FUT9: variants seen among roughly 807,000 people sequenced by gnomAD.
FUT9 encodes fucosyltransferase 9, also known as 4-galactosyl-N-acetylglucosaminide 3-alpha-L-fucosyltransferase 9.
Under a neutral mutation model 29.7 loss-of-function variants are expected in FUT9, and 15 were observed. The observed-to-expected ratio is 0.51, with a 90% CI of 0.34 to 0.78. The LOEUF (loss-of-function observed/expected upper bound fraction) is 0.78, where lower values mean the gene tolerates loss of function less well. FUT9 is among the 30% of genes least tolerant of loss of function. FUT9 has a pLI of 0.01. For synonymous variants in FUT9, 169 were observed against 153.7 expected, an observed-to-expected ratio of 1.10 and a Z score of -0.74; for missense variants, 319 against 425.4, an observed-to-expected ratio of 0.75 and a Z score of 2.20.
intron 1 of FUT9, among the ~76,000 whole-genome samples, chr6:96,037,873 G>A (rs1770390791): frequency 6.6e-6 from 1 of 152,110 alleles, no homozygotes; most frequent in Admixed American, 6.5e-5. Flanking sequence ...TGATTGATTT[G>A]TAATACCAGT....
In FUT9 at chr6:96,203,942, G is replaced by T; in HGVS notation, c.787G>T (p.Ala263Ser). Residue 263 changes from alanine to serine, a missense_variant, in exon 3 of 3, where the codon GCT (alanine) becomes TCT (serine). Coordinates refer to ENST00000302103, the MANE Select transcript of FUT9 (RefSeq NM_006581.4). ...ITEKLYNAFL[A>S]GSVPVVLGPS... The stretch of plus-strand genomic sequence containing the variant: ...GGAAAAGCTATACAATGCTTTTCTG[G>T]CTGGCTCTGTACCTGTTGTTCTGGG... 1.2e-6 allele frequency: 2 copies of T among 1,612,862 alleles called. No individual in the cohort carries two copies. Among genetic ancestry groups the T allele is most frequent in the South Asian group, 1.1e-5 (1 of 91,038 alleles).
At chr6:96,125,458 A>G (rs1772116799) in intron 2 of FUT9, among the ~76,000 whole-genome samples, 1 of 152,240 alleles carries the variant, frequency 6.6e-6, no homozygotes, top group African/African-American at 2.4e-5. Flanking sequence ...TTATAATAAC[A>G]ATAACTGTTA....
At chr6:96,137,695 A>G (rs1287635464) in intron 2 of FUT9, among the ~76,000 whole-genome samples, 1 of 152,098 alleles carries the variant, frequency 6.6e-6, no homozygotes, top group South Asian at 2.1e-4. Context: ...AGGGAAAAAG[A>G]AAAACTAAGA....
intron 1 of FUT9, among the ~76,000 whole-genome samples, chr6:96,055,362 C>T (rs377195496): frequency 4.7e-5 from 7 of 147,554 alleles, no homozygotes; most frequent in South Asian, 2.2e-4. Flanking sequence ...ATTTAAATCT[C>T]GAGTTAATGG....
chr6:96,059,582 G>A (rs1199766655), intron 1 of FUT9, among the ~76,000 whole-genome samples: 3 of 152,138 alleles, frequency 2.0e-5, no homozygotes, highest in African/African-American at 7.2e-5. Flanking sequence ...CAATCTTAAG[G>A]TTGGAGGAGA....
chr6:96,171,032 G>C (rs1216207923), intron 2 of FUT9, among the ~76,000 whole-genome samples: 2 of 152,150 alleles, frequency 1.3e-5, no homozygotes, highest in African/African-American at 4.8e-5. Context: ...ACAAAGACTT[G>C]ATTGCCAATC....
chr6:96,021,189 C>T (rs1770062243), intron 1 of FUT9, among the ~76,000 whole-genome samples: 1 of 151,962 alleles, frequency 6.6e-6, no homozygotes, highest in South Asian at 2.1e-4. Flanking sequence ...TAAGGCTTGA[C>T]AACAAAAATT....
Position 96,213,174 on chromosome 6 carries a change from C to G in FUT9, c.*8939C>G, listed in dbSNP as rs1188295458. 3 of 166,848 alleles carry G rather than the reference C, an allele frequency of 1.8e-5. No homozygotes were observed. Among genetic ancestry groups the G allele is most frequent in the Admixed American group, 1.3e-4 (2 of 15,230 alleles). The allele number at this position is 166,848 out of a possible 1,614,324, so 10.3% of individuals were successfully genotyped here. A position where few individuals can be genotyped will look rare whatever the true frequency, so the allele number is the denominator to read the frequency against. ...GGAAGAAGTTAATGTGTAATTGCTT[C>G]AGGAGCTCTGAATAAAAGGTTGCTG... On this transcript the variant is annotated 3_prime_UTR_variant, in exon 3 of 3. Coordinates refer to ENST00000302103, the MANE Select transcript of FUT9 (RefSeq NM_006581.4).
At chr6:96,161,423 AT>A (rs2127980021) in intron 2 of FUT9, among the ~76,000 whole-genome samples, 1 of 152,298 alleles carries the variant, frequency 6.6e-6, no homozygotes, top group East Asian at 1.9e-4. Context: ...AGAAATAAAT[AT>A]TTGTTGTTTA....
At chr6:96,057,472 A>T (rs1477268912) in intron 1 of FUT9, among the ~76,000 whole-genome samples, 1 of 152,182 alleles carries the variant, frequency 6.6e-6, no homozygotes, top group Non-Finnish European at 1.5e-5. Flanking sequence ...AAATATAGAA[A>T]CTGAATTGCT....
At chr6:96,118,824 G>A (rs916627187) in intron 2 of FUT9, among the ~76,000 whole-genome samples, 22 of 152,030 alleles carry the variant, frequency 1.4e-4, no homozygotes, top group African/African-American at 4.3e-4. Context: ...ACCCTGTGTA[G>A]ACCTAGGCTA....
At chr6:96,131,570 C>T (rs1772245115) in intron 2 of FUT9, among the ~76,000 whole-genome samples, 1 of 152,102 alleles carries the variant, frequency 6.6e-6, no homozygotes, top group Non-Finnish European at 1.5e-5. Flanking sequence ...TTATAGACAG[C>T]TTATTCGCAT....
chr6:96,043,189 C>T (rs1370083198), intron 1 of FUT9, among the ~76,000 whole-genome samples: 10 of 152,014 alleles, frequency 6.6e-5, no homozygotes, highest in Admixed American at 2.0e-4. Flanking sequence ...GTAGCTGGGA[C>T]TACAGGCGCC....
intron 2 of FUT9, among the ~76,000 whole-genome samples, chr6:96,174,250 T>C (rs1254789993): frequency 6.6e-6 from 1 of 152,054 alleles, no homozygotes; most frequent in Non-Finnish European, 1.5e-5. Flanking sequence ...AGCTTTGTAT[T>C]TAAGGGCAGC....
chr6:96,036,239 T>C (rs951748067), intron 1 of FUT9, among the ~76,000 whole-genome samples: 1 of 151,018 alleles, frequency 6.6e-6, no homozygotes, highest in Admixed American at 6.7e-5. Context: ...ATTTAAAACA[T>C]AATTTTCATC....
At chr6:96,042,327 C>T (rs920937883) in intron 1 of FUT9, among the ~76,000 whole-genome samples, 4 of 152,114 alleles carry the variant, frequency 2.6e-5, no homozygotes, top group African/African-American at 7.2e-5. Context: ...CTTGTTGCTT[C>T]GTATTTTAAC....
intron 2 of FUT9, among the ~76,000 whole-genome samples, chr6:96,127,646 C>T (rs1299753980): frequency 6.6e-6 from 1 of 152,164 alleles, no homozygotes. Context: ...ATTTACATTT[C>T]CATCAGCAGT....
At chr6:96,154,755 A>G (rs1246587320) in intron 2 of FUT9, among the ~76,000 whole-genome samples, 1 of 152,266 alleles carries the variant, frequency 6.6e-6, no homozygotes, top group African/African-American at 2.4e-5. Flanking sequence ...AAGTAAAAAG[A>G]TAACTACCTT....
intron 2 of FUT9, among the ~76,000 whole-genome samples, chr6:96,165,361 G>A (rs1315647146): frequency 1.3e-5 from 2 of 151,748 alleles, no homozygotes; most frequent in African/African-American, 4.8e-5. Context: ...AACCAGGGAG[G>A]TGGAAGTTGC....
Sources: allele counts gnomAD v4.1 joint callset (sites outside exome capture counted in the v4.1 genomes callset), GRCh38; gene constraint gnomAD v4.1.1; transcripts MANE v1.5; gene names NCBI Gene and HGNC (gene_info 2026-07-23, HGNC 2026-07-21).